RAB11FIP3: variants seen among roughly 807,000 people sequenced by gnomAD.
RAB11FIP3 encodes the protein rab11 family-interacting protein 3.
In RAB11FIP3, 17 loss-of-function variants were observed where a neutral mutation model predicts 77.8. The ratio of observed to expected loss-of-function variants is 0.22; its 90% CI spans 0.15 to 0.33. The LOEUF is 0.33. Ranked by LOEUF, RAB11FIP3 falls within the 10% of genes least tolerant of loss-of-function variation. The probability of loss-of-function intolerance (pLI) is 1.00; values close to 1 mark genes in which losing one functional copy is unlikely to be tolerated. For synonymous variants in RAB11FIP3, 437 were observed against 448.2 expected (o/e 0.98, Z 0.31); for missense variants, 1,005 against 1,011.2 (o/e 0.99, Z 0.08).
rs1442251492 is a variant in RAB11FIP3, at chr16:514,031, CTG to C, written c.1640+3232_1640+3233del. Among the ~76,000 whole-genome samples, 4 of 152,338 alleles carry C rather than the reference CTG, an allele frequency of 2.6e-5. No homozygotes were observed. Among genetic ancestry groups the C allele is most frequent in the East Asian group, 1.9e-4 (1 of 5,186 alleles). On this transcript the variant is annotated intron_variant, in intron 9 of 13. Coordinates refer to ENST00000262305, the MANE Select transcript of RAB11FIP3 (RefSeq NM_014700.4). This position sits in a 1 kb window ranked among gnomAD's most constrained non-coding sequence, Gnocchi z 4.6. ...GGACATCCTGCCGCCTCTGTGTGCTCTGGTGTGGAGGGGCACAAGATAGGGGT... is the reference window on the plus strand; with the variant it reads ...GGACATCCTGCCGCCTCTGTGTGCTCGTGTGGAGGGGCACAAGATAGGGGT...
Position 471,521 on chromosome 16 carries a change from G to A in RAB11FIP3, c.903+132G>A. 1.3e-6 allele frequency: 1 copy of A among 749,568 alleles called. No homozygotes were observed. The highest frequency in any genetic ancestry group is 2.3e-6 in the Non-Finnish European group (1 of 441,380). 46.4% of individuals were successfully genotyped at this position (749,568 alleles called of 1,614,324 possible). On this transcript the variant is annotated intron_variant, in intron 3 of 13. Transcript: ENST00000262305. This position sits in a 1 kb window ranked among gnomAD's most constrained non-coding sequence, Gnocchi z 4.4. ...GCGTGAAGGAAGGGCCTCCCGCCCT[G>A]TGTGCACCGTGGGGCTCTGTGGCTG...
chr16:479,179 C>T (rs2055982737), intron 3 of RAB11FIP3, among the ~76,000 whole-genome samples: 1 of 152,014 alleles, frequency 6.6e-6, no homozygotes, highest in Non-Finnish European at 1.5e-5. Context: ...ATCACTTGAG[C>T]TCAGGAGTTT....
chr16:449,785 C>T (rs2055377396), intron 1 of RAB11FIP3, among the ~76,000 whole-genome samples: 1 of 151,996 alleles, frequency 6.6e-6, no homozygotes, highest in Non-Finnish European at 1.5e-5. Flanking sequence ...AACCCTGTCT[C>T]TACTAAAAAT....
intron 5 of RAB11FIP3, among the ~76,000 whole-genome samples, chr16:494,050 C>CCCG (rs1335449745): frequency 2.5e-3 from 200 of 79,140 alleles, no homozygotes; most frequent in East Asian, 3.4e-3. Context: ...ACTACAGGCG[C>CCCG]CCATCACCAC....
At chr16:519,152 G>A in intron 10 of RAB11FIP3, 128 bp downstream of exon 10, 1 of 989,896 alleles carries the variant, frequency 1.0e-6, no homozygotes, top group Non-Finnish European at 1.5e-6. Context: ...AACGGGGCCA[G>A]CTCAGGGCCC....
intron 2 of RAB11FIP3, among the ~76,000 whole-genome samples, chr16:463,481 C>T (rs1048643533): frequency 1.5e-5 from 2 of 134,916 alleles, no homozygotes; most frequent in African/African-American, 5.5e-5. Context: ...TCTTGTTGCC[C>T]AAGCTGAAGT....
Position 471,350 on chromosome 16 carries a change from G to C in RAB11FIP3, c.864G>C (p.Leu288=). The change falls in exon 3 of 14, where the codon CTG becomes CTC. Residue 288 remains leucine, a synonymous_variant. Transcript: ENST00000262305. The surrounding 1 kb of genome is among the most constrained non-coding windows in gnomAD (Gnocchi z 4.4). ...CTTCTGCCCAAGATGAGGAGCCCCT[G>C]GCCTGCCCGGACGAGTTCGATGACT... ...GVASAQDEEP[L]ACPDEFDDFV... is the part of the protein sequence containing the mutation. The C allele has an allele frequency of 6.2e-7, 1 of 1,613,970 alleles. No individual in the cohort carries two copies. Among genetic ancestry groups the C allele is most frequent in the Non-Finnish European group, 8.5e-7 (1 of 1,179,906 alleles).
chr16:504,840 C>T (rs1428673210), intron 7 of RAB11FIP3, among the ~76,000 whole-genome samples: 1 of 2,956 alleles, frequency 3.4e-4, no homozygotes, highest in African/African-American at 2.0e-3. Context: ...CCTGTACCCC[C>T]TTACCTCCTC....
chr16:473,963 C>G (rs1055675125), intron 3 of RAB11FIP3, among the ~76,000 whole-genome samples: 38 of 152,216 alleles, frequency 2.5e-4, no homozygotes, highest in African/African-American at 8.7e-4. Context: ...TTTTCAGATG[C>G]GCCTCTTTCC....
At chr16:517,933 T>G (rs1408247541) in intron 9 of RAB11FIP3, among the ~76,000 whole-genome samples, 1 of 151,940 alleles carries the variant, frequency 6.6e-6, no homozygotes, top group Non-Finnish European at 1.5e-5. Flanking sequence ...ATAGAAAAAA[T>G]TAGCCGGGTG....
chr16:485,427 T>G (rs1471134488), intron 4 of RAB11FIP3, among the ~76,000 whole-genome samples: 2 of 152,114 alleles, frequency 1.3e-5, no homozygotes, highest in African/African-American at 2.4e-5. Flanking sequence ...TCTGTTTTTT[T>G]GTCAAGATGG....
chr16:510,724 G>A lies in RAB11FIP3; in HGVS notation c.1564G>A (p.Glu522Lys). Residue 522 changes from glutamate (E) to lysine (K), a missense_variant, in exon 9 of 14, where the codon GAG (glutamate) becomes AAG (lysine). By Grantham distance (56) the Glu-to-Lys change is moderately conservative (BLOSUM62 1). Around this residue, in one of 4 missense-constraint regions of RAB11FIP3, gnomAD observed 433 missense variants for 436.1 expected, o/e 0.99. Transcript: ENST00000262305. ...ELRACEMVLE[E>K]TRRQKELLCK... Reference sequence around the variant, plus strand: ...GAGAGCCTGCGAGATGGTCCTGGAAGAGACCCGGCGTCAGAAGGAGCTCCT... The same window carrying A: ...GAGAGCCTGCGAGATGGTCCTGGAAAAGACCCGGCGTCAGAAGGAGCTCCT... 15 of 1,613,242 alleles carry A rather than the reference G, an allele frequency of 9.3e-6. 1 individual carries two copies. Among genetic ancestry groups the A allele is most frequent in the South Asian group, 2.2e-5 (2 of 91,056 alleles).
chr16:461,622 A>C lies in RAB11FIP3; in HGVS notation c.808+125A>C, dbSNP rs561333302. 1.5e-5 allele frequency: 11 copies of C among 716,590 alleles called. 1 individual carries two copies. The South Asian group carries it at 2.0e-4, about 13-fold the overall frequency. The allele number at this position is 716,590 out of a possible 1,614,324, so 44.4% of individuals were successfully genotyped here. A position where few individuals can be genotyped will look rare whatever the true frequency, so the allele number is the denominator to read the frequency against. ...TCTTTCCTTCTCCTTGAAGCCCCCA[A>C]CATACCCCAGGTTTCCAGGTGGTCT... On this transcript the variant is annotated intron_variant, in intron 2 of 13. Coordinates refer to ENST00000262305, the MANE Select transcript of RAB11FIP3 (RefSeq NM_014700.4). The surrounding 1 kb of genome is among the most constrained non-coding windows in gnomAD (Gnocchi z 4.5).
chr16:507,189 G>A lies in RAB11FIP3; in HGVS notation c.1499+1562G>A, dbSNP rs1256388114. Among the ~76,000 whole-genome samples, 3 of 147,990 alleles carry A rather than the reference G, an allele frequency of 2.0e-5. No homozygotes were observed. Among genetic ancestry groups the A allele is most frequent in the Non-Finnish European group, 4.4e-5 (3 of 67,544 alleles). On this transcript the variant is annotated intron_variant, in intron 8 of 13. Coordinates refer to ENST00000262305, the MANE Select transcript of RAB11FIP3 (RefSeq NM_014700.4). This position sits in a 1 kb window ranked among gnomAD's most constrained non-coding sequence, Gnocchi z 4.6. ...TGCAGTGGCGCAATCTTGGCTCACC[G>A]CAACCTCCGCATCCCAGGTTCAAGC...
At chr16:441,229 G>A (rs1184439350) in intron 1 of RAB11FIP3, among the ~76,000 whole-genome samples, 2 of 152,140 alleles carry the variant, frequency 1.3e-5, no homozygotes, top group Admixed American at 6.5e-5. Flanking sequence ...GGCCACCGTC[G>A]CCATCGCGCC....
chr16:514,961 C>T lies in RAB11FIP3; in HGVS notation c.1641-3982C>T, dbSNP rs2032335384. On this transcript the variant is annotated intron_variant, in intron 9 of 13. Transcript: ENST00000262305. The surrounding 1 kb of genome is among the most constrained non-coding windows in gnomAD (Gnocchi z 4.6). ...AGCCAAGGAAGCCCAGGGAAGCCTT[C>T]GCTTGTGCCACGTAGCATAGCTCGT... 6.6e-6 allele frequency among the ~76,000 whole-genome samples: 1 copy of T among 152,196 alleles called. No individual in the cohort carries two copies. The highest frequency in any genetic ancestry group is 1.5e-5 in the Non-Finnish European group (1 of 68,032).
chr16:461,367 A>G lies in RAB11FIP3; in HGVS notation c.715-37A>G. On this transcript the variant is annotated intron_variant, in intron 1 of 13. Transcript: ENST00000262305. The surrounding 1 kb of genome is among the most constrained non-coding windows in gnomAD (Gnocchi z 4.5). ...CCAGGGTTGGGGACCCCTGCTGTAA[A>G]GGCTTAGGGTAACCTAGTCTCATTT... The G allele has an allele frequency of 2.6e-6, 4 of 1,564,374 alleles. No homozygotes were observed. The highest frequency in any genetic ancestry group is 3.5e-6 in the Non-Finnish European group (4 of 1,144,206).
chr16:442,263 C>G (rs531305255), intron 1 of RAB11FIP3, among the ~76,000 whole-genome samples: 1 of 152,230 alleles, frequency 6.6e-6, no homozygotes, highest in Non-Finnish European at 1.5e-5. Flanking sequence ...CCTCAGCTTC[C>G]TGCGTAGGTG....
At position 507,024 on chromosome 16, in the gene RAB11FIP3, C is replaced by T. The variant is rs762574064; in HGVS notation, c.1499+1397C>T. ...CTCTGTTGCTCAGGCTGAGTGCTGA[C>T]TACAGCCTCCACCTCCCAGGCTCAA... On this transcript the variant is annotated intron_variant, in intron 8 of 13. Transcript: ENST00000262305. The surrounding 1 kb of genome is among the most constrained non-coding windows in gnomAD (Gnocchi z 4.6). 6.6e-6 allele frequency among the ~76,000 whole-genome samples: 1 copy of T among 152,118 alleles called. No individual in the cohort carries two copies. The highest frequency in any genetic ancestry group is 6.5e-5 in the Admixed American group (1 of 15,278).
Sources: allele counts gnomAD v4.1 joint callset (sites outside exome capture counted in the v4.1 genomes callset), GRCh38; gene constraint gnomAD v4.1.1; regional missense constraint gnomAD v4.1.1; non-coding constraint Gnocchi (gnomAD v3.1); transcripts MANE v1.5; gene names NCBI Gene and HGNC (gene_info 2026-07-23, HGNC 2026-07-21).